ADGRL2: variants seen among roughly 807,000 people sequenced by gnomAD.
The protein encoded by ADGRL2 is calcium-independent alpha-latrotoxin receptor 2.
In ADGRL2, 44 loss-of-function variants were observed where a neutral mutation model predicts 157.4. The ratio of observed to expected loss-of-function variants is 0.28; its 90% confidence interval spans 0.22 to 0.36. The LOEUF (loss-of-function observed/expected upper bound fraction) is 0.36. Among genes scored for constraint, ADGRL2 ranks in the 10% least tolerant of loss-of-function variants. The pLI, the probability that ADGRL2 is intolerant of heterozygous loss-of-function variation, is 1.00. For missense variants in ADGRL2, 1,510 were observed against 1,768.9 expected, an observed-to-expected ratio of 0.85 and a Z score of 2.63; for synonymous variants, 585 against 624.7, an observed-to-expected ratio of 0.94 and a Z score of 0.95.
chr1:81,369,563 T>C (rs1203698166), intron 1 of ADGRL2, among the ~76,000 whole-genome samples: 1 of 152,208 alleles, frequency 6.6e-6, no homozygotes, highest in East Asian at 1.9e-4. Flanking sequence ...GGGTCTATTG[T>C]TCTGCTTCTG....
rs1050749343 is a variant in ADGRL2 at position 81,886,994 on chromosome 1, G to A, written c.74-20023G>A. 3.9e-5 allele frequency among the ~76,000 whole-genome samples: 6 copies of A among 152,226 alleles called. No individual in the cohort carries two copies. In the South Asian group the frequency reaches 1.0e-3, roughly 26 times the overall value. Reference sequence around the variant, plus strand: ...TTCTCTGAAAGATGCACTTAGGCCCGATATCTAGAGATATTAAAAAGTGCC... The same window carrying A: ...TTCTCTGAAAGATGCACTTAGGCCCAATATCTAGAGATATTAAAAAGTGCC... On this transcript the variant is annotated intron_variant, in intron 2 of 23. Transcript: ENST00000686636.
At chr1:81,967,154 A>G (rs1184728772) in intron 13 of ADGRL2, among the ~76,000 whole-genome samples, 4 of 152,180 alleles carry the variant, frequency 2.6e-5, no homozygotes, top group Non-Finnish European at 5.9e-5. Context: ...GGCTGTTGTG[A>G]TAAGTAGAGT....
At position 81,705,267 on chromosome 1, in the gene ADGRL2, G is replaced by A. The variant is rs939393661; in HGVS notation, c.-143+5459G>A. On this transcript the variant is annotated intron_variant, in intron 1 of 20. Transcript: ENST00000359929. ...AGGCTGGTCTTGAACTCCTGACCTT[G>A]TGATCTACCTGCCTTGGCCTCCTAA... Among the ~76,000 whole-genome samples, 5 of 152,190 alleles carry A rather than the reference G, an allele frequency of 3.3e-5. No homozygotes were observed. The South Asian group carries it at 1.0e-3, about 32-fold the overall frequency.
chr1:81,966,724 A>T, intron 13 of ADGRL2, 115 bp downstream of exon 13: 1 of 818,972 alleles, frequency 1.2e-6, no homozygotes, highest in Non-Finnish European at 2.0e-6. Context: ...GGGAGGAAAG[A>T]CAAGACCTTT....
At chr1:81,570,857 C>A (rs1277949046) in intron 2 of ADGRL2, among the ~76,000 whole-genome samples, 1 of 152,076 alleles carries the variant, frequency 6.6e-6, no homozygotes, top group South Asian at 2.1e-4. Flanking sequence ...ACTGTGTAGG[C>A]AAGACATTCA....
chr1:81,974,623 T>C (rs1424283886), intron 17 of ADGRL2, among the ~76,000 whole-genome samples: 1 of 151,888 alleles, frequency 6.6e-6, no homozygotes, highest in Non-Finnish European at 1.5e-5. Flanking sequence ...TACTTCAGAG[T>C]GATGTTTCTG....
At chr1:81,814,414 A>G (rs2090178876) in intron 1 of ADGRL2, among the ~76,000 whole-genome samples, 1 of 151,492 alleles carries the variant, frequency 6.6e-6, no homozygotes, top group East Asian at 1.9e-4. Context: ...AATATTTTAA[A>G]TATAAATTTT....
chr1:81,306,831 T>C (rs1169500529), intron 1 of ADGRL2, among the ~76,000 whole-genome samples: 4 of 152,182 alleles, frequency 2.6e-5, no homozygotes, highest in Non-Finnish European at 4.4e-5. Context: ...TAACTTATTA[T>C]GTATGCTGGC....
Position 81,786,127 on chromosome 1 carries a change from A to T in ADGRL2, c.-101+24275A>T, listed in dbSNP as rs367773889. On this transcript the variant is annotated intron_variant, in intron 2 of 20. Transcript: ENST00000359929. ...TCCAAAAAATAAAATAAAATTAAAT[A>T]AAGAGTTATATTCCATAGGAAAATG... 1.4e-3 allele frequency among the ~76,000 whole-genome samples: 214 copies of T among 152,192 alleles called. 5 individuals are homozygous for T. In the South Asian group the frequency reaches 0.04, roughly 29 times the overall value.
At chr1:81,882,551 G>A (rs1342852924) in intron 2 of ADGRL2, among the ~76,000 whole-genome samples, 1 of 152,114 alleles carries the variant, frequency 6.6e-6, no homozygotes, top group African/African-American at 2.4e-5. Context: ...GGGATGGAAT[G>A]CCTTTTGTAT....
chr1:81,486,609 T>C (rs2078507907), intron 2 of ADGRL2, among the ~76,000 whole-genome samples: 1 of 152,192 alleles, frequency 6.6e-6, no homozygotes, highest in Non-Finnish European at 1.5e-5. Context: ...TATTAAATTA[T>C]ACATCATTAT....
chr1:81,902,847 G>A (rs1300952268), intron 2 of ADGRL2, among the ~76,000 whole-genome samples: 1 of 152,136 alleles, frequency 6.6e-6, no homozygotes, highest in African/African-American at 2.4e-5. Flanking sequence ...TGTGATTTGT[G>A]TGAACTCTGC....
intron 2 of ADGRL2, among the ~76,000 whole-genome samples, chr1:81,477,458 A>G (rs929391332): frequency 3.3e-5 from 5 of 152,258 alleles, no homozygotes; most frequent in African/African-American, 9.6e-5. Flanking sequence ...CTGTCATTTT[A>G]TCAAATAACT....
chr1:81,840,885 G>T (rs1183400564), intron 2 of ADGRL2, among the ~76,000 whole-genome samples: 1 of 152,114 alleles, frequency 6.6e-6, no homozygotes, highest in Admixed American at 6.6e-5. Context: ...TTTATCGAGA[G>T]ACTGGTATGC....
At chr1:81,986,810 TAA>T in intron 21 of ADGRL2, 89 bp from the exon 22 acceptor site, 1 of 1,324,420 alleles carries the variant, frequency 7.6e-7, no homozygotes, top group Non-Finnish European at 1.0e-6. Context: ...TTGATGAATA[TAA>T]AAAAAATAGT....
chr1:81,692,713 T>C (rs1463694151), intron 3 of ADGRL2, among the ~76,000 whole-genome samples: 2 of 152,220 alleles, frequency 1.3e-5, no homozygotes, highest in African/African-American at 2.4e-5. Context: ...TTTTATAGAA[T>C]AGAAAGTTAA....
chr1:81,322,309 C>A (rs1344707029), intron 1 of ADGRL2, among the ~76,000 whole-genome samples: 1 of 151,292 alleles, frequency 6.6e-6, no homozygotes, highest in Non-Finnish European at 1.5e-5. Context: ...TGAATGTGAT[C>A]AAAGTAAATA....
At chr1:81,459,264 C>T (rs1366054254) in intron 2 of ADGRL2, among the ~76,000 whole-genome samples, 1 of 152,146 alleles carries the variant, frequency 6.6e-6, no homozygotes, top group East Asian at 1.9e-4. Context: ...TCAGGTTTCA[C>T]CAGGGACCCA....
intron 2 of ADGRL2, among the ~76,000 whole-genome samples, chr1:81,452,336 G>T (rs187603006): frequency 1.3e-5 from 2 of 152,176 alleles, no homozygotes; most frequent in East Asian, 3.9e-4. Flanking sequence ...AACTTTTAAA[G>T]ACACCAATTT....
Sources: gnomAD v4.1 joint callset for allele counts (sites outside exome capture counted in the v4.1 genomes callset) on GRCh38, gnomAD v4.1.1 for gene constraint, MANE v1.5 for transcripts, NCBI Gene and HGNC (gene_info 2026-07-23, HGNC 2026-07-21) for gene names.